Variants in AGK observed in about 807,000 individuals in gnomAD.
AGK encodes the protein acylglycerol kinase, also known as acylglycerol kinase, mitochondrial.
Under a neutral mutation model 66.4 loss-of-function variants are expected in AGK, and 52 were observed. The ratio of observed to expected loss-of-function variants is 0.78; its 90% CI spans 0.63 to 0.99. The LOEUF is 0.99. Among genes scored for constraint, AGK ranks in the 50% least tolerant of loss-of-function variants. The pLI, the probability that AGK is intolerant of heterozygous loss-of-function variation, is 0.00. For synonymous variants in AGK, 182 were observed against 181.1 expected (o/e 1.00, Z -0.04); for missense variants, 451 against 506.6 (o/e 0.89, Z 1.05).
chr7:141,597,890 CAAAAA>C (rs56295907), intron 4 of AGK, among the ~76,000 whole-genome samples: 1 of 71,442 alleles, frequency 1.4e-5, no homozygotes, highest in African/African-American at 7.7e-5. Context: ...GACTCTGTCT[CAAAAA>C]AAAAAAAAAA....
rs551607929 is a variant in AGK at position 141,586,831 on chromosome 7, G to T, written c.102-6315G>T. Among the ~76,000 whole-genome samples, 3 of 152,226 alleles carry T rather than the reference G, an allele frequency of 2.0e-5. No homozygotes were observed. In the East Asian group the frequency reaches 5.8e-4, roughly 29 times the overall value. On this transcript the variant is annotated intron_variant, in intron 2 of 15. Transcript: ENST00000649286. ...CTTTGACTTTCAAATGAAGTACAGGGTCATTTTATTTGAGATTCATTTGGT... is the reference window on the plus strand; with the variant it reads ...CTTTGACTTTCAAATGAAGTACAGGTTCATTTTATTTGAGATTCATTTGGT...
chr7:141,551,921 A>C (rs1297214793), intron 1 of AGK, among the ~76,000 whole-genome samples: 1 of 152,166 alleles, frequency 6.6e-6, no homozygotes, highest in Non-Finnish European at 1.5e-5. Flanking sequence ...TTCCACCTGG[A>C]TACTCCACAG....
chr7:141,618,771 C>T (rs929424560), intron 8 of AGK, among the ~76,000 whole-genome samples: 10 of 152,098 alleles, frequency 6.6e-5, no homozygotes, highest in African/African-American at 2.4e-4. Flanking sequence ...AGGAGGTGCC[C>T]TGTTTGGTTA....
Position 141,650,734 on chromosome 7 carries a change from C to T in AGK, c.1047-791C>T, listed in dbSNP as rs149539708. The T allele has an allele frequency of 3.0e-4, 285 of 947,152 alleles. No individual in the cohort carries two copies. In the African/African-American group the frequency reaches 4.6e-3, roughly 15 times the overall value. 58.7% of individuals were successfully genotyped at this position (947,152 alleles called of 1,614,324 possible). On this transcript the variant is annotated intron_variant, in intron 14 of 15. Coordinates refer to ENST00000649286, the MANE Select transcript of AGK (RefSeq NM_018238.4). ...GGTAGATATTGTATGCCAAGTAGACCGCGTTATAAATACAGTCATCCCACG... is the reference window on the plus strand; with the variant it reads ...GGTAGATATTGTATGCCAAGTAGACTGCGTTATAAATACAGTCATCCCACG...
rs374624714 is a variant in AGK, at chr7:141,651,775, A to G, written c.1131+166A>G. ...GGGTCATATTAGCGGGGAGCTGAAA[A>G]GGATGGCAGAATCTCCTTGGGAGTC... On this transcript the variant is annotated intron_variant, in intron 15 of 15. Transcript: ENST00000649286. 8.3e-4 allele frequency among the ~76,000 whole-genome samples: 126 copies of G among 152,348 alleles called. No homozygotes were observed. The South Asian group carries it at 0.02, about 24-fold the overall frequency.
In AGK at chr7:141,636,958, AG is replaced by A; in HGVS notation, c.669del. On this transcript the variant is annotated splice_acceptor_variant, in intron 10 of 15. Transcript: ENST00000649286. LOFTEE classifies it high-confidence loss of function. Reference sequence around the variant, plus strand: ...CAGATTTTTATCTTGGTCTTTTCACAGGTACTGGTATCTTGGGCCTCTAAAA... The same window carrying A: ...CAGATTTTTATCTTGGTCTTTTCACAGTACTGGTATCTTGGGCCTCTAAAA... 1 of 1,611,158 alleles carries A rather than the reference AG, an allele frequency of 6.2e-7. No homozygotes were observed. Among genetic ancestry groups the A allele is most frequent in the Non-Finnish European group, 8.5e-7 (1 of 1,178,240 alleles).
chr7:141,621,593 G>C, intron 8 of AGK, 139 bp from the exon 9 acceptor site: 2 of 641,170 alleles, frequency 3.1e-6, no homozygotes, highest in East Asian at 2.9e-5. Flanking sequence ...AGGGAAGGAG[G>C]GGGAGAGAGA....
intron 8 of AGK, 31 bp downstream of exon 8, chr7:141,615,596 G>C (rs1333133877): frequency 3.9e-6 from 6 of 1,551,344 alleles, no homozygotes; most frequent in Non-Finnish European, 5.3e-6. Context: ...ATTAGCATTT[G>C]TGGGTGAGCG....
At chr7:141,610,393 TA>T (rs1424482430) in intron 5 of AGK, among the ~76,000 whole-genome samples, 1 of 152,218 alleles carries the variant, frequency 6.6e-6, no homozygotes, top group Non-Finnish European at 1.5e-5. Context: ...ATTTTAATAT[TA>T]GTTGCATTAT....
chr7:141,610,237 G>A (rs1461344658), intron 5 of AGK, among the ~76,000 whole-genome samples: 2 of 152,048 alleles, frequency 1.3e-5, no homozygotes, highest in South Asian at 2.1e-4. Context: ...AAAGTGCTGG[G>A]ATTACAGGCG....
At chr7:141,563,106 G>A (rs192208609) in intron 2 of AGK, among the ~76,000 whole-genome samples, 1,671 of 152,324 alleles carry the variant, frequency 0.011, 24 homozygotes, top group African/African-American at 0.038. Context: ...TTGCAACAGT[G>A]TGTTGCTTCT....
intron 8 of AGK, among the ~76,000 whole-genome samples, chr7:141,618,978 A>G (rs991152167): frequency 6.6e-6 from 1 of 152,174 alleles, no homozygotes; most frequent in Non-Finnish European, 1.5e-5. Context: ...TGAAATACAT[A>G]TGGATAAATC....
intron 8 of AGK, among the ~76,000 whole-genome samples, chr7:141,616,914 C>T (rs1194892775): frequency 1.3e-5 from 2 of 151,910 alleles, no homozygotes; most frequent in African/African-American, 2.4e-5. Flanking sequence ...CCCGCCACCA[C>T]GCCCGGCTAA....
intron 1 of AGK, among the ~76,000 whole-genome samples, chr7:141,554,582 A>C (rs1430429600): frequency 6.6e-6 from 1 of 152,146 alleles, no homozygotes; most frequent in Non-Finnish European, 1.5e-5. Context: ...TGTGTGCCGG[A>C]TCTTACTTTA....
intron 15 of AGK, 32 bp from the exon 16 acceptor site, chr7:141,652,755 T>C (rs774094026): frequency 7.4e-6 from 12 of 1,611,070 alleles, no homozygotes; most frequent in Non-Finnish European, 9.3e-6. Flanking sequence ...ACTGATGTGT[T>C]TGAGCTGTTC....
At chr7:141,593,278 C>A in intron 3 of AGK, 93 bp downstream of exon 3, 2 of 1,132,160 alleles carry the variant, frequency 1.8e-6, no homozygotes, top group Non-Finnish European at 2.7e-6. Flanking sequence ...CAGTGTCTTG[C>A]ATCTGTGCAG....
At chr7:141,609,960 GGTTTTTTTTT>G (rs1453769546) in intron 5 of AGK, among the ~76,000 whole-genome samples, 1 of 151,694 alleles carries the variant, frequency 6.6e-6, no homozygotes, top group African/African-American at 2.4e-5. Context: ...CGTATGTATG[GGTTTTTTTTT>G]GTTTTTTTTT....
Position 141,641,373 on chromosome 7 carries a change from G to T in AGK, c.852G>T (p.Ala284=). The T allele has an allele frequency of 3.1e-6, 5 of 1,613,134 alleles. No homozygotes were observed. Among genetic ancestry groups the T allele is most frequent in the Non-Finnish European group, 3.4e-6 (4 of 1,179,656 alleles). Residue 284 remains alanine (A), a synonymous_variant, in exon 12 of 16, where the codon GCG becomes GCT. Coordinates refer to ENST00000649286, the MANE Select transcript of AGK (RefSeq NM_018238.4). ...ACAGGAGAATATTACGAAGGCTTGC[G>T]TCCTACTGGGCACAACCACAGGATG... is the stretch of plus-strand genomic sequence containing the variant. ...SLYRRILRRL[A]SYWAQPQDAL...
At chr7:141,607,734 C>T (rs901599491) in intron 5 of AGK, among the ~76,000 whole-genome samples, 11 of 151,706 alleles carry the variant, frequency 7.3e-5, no homozygotes, top group Non-Finnish European at 1.5e-4. Context: ...CACTTAAATT[C>T]CCTCCTGTGT....
Sources: allele counts gnomAD v4.1 joint callset (sites outside exome capture counted in the v4.1 genomes callset), GRCh38; gene constraint gnomAD v4.1.1; transcripts MANE v1.5; gene names NCBI Gene and HGNC (gene_info 2026-07-23, HGNC 2026-07-21).